The following AOAH variants were observed in gnomAD, a reference collection of about 807,000 sequenced individuals.
AOAH encodes the protein acyloxyacyl hydrolase (neutrophil).
AOAH carries 64 observed loss-of-function variants against 92.2 expected under a neutral mutation model. That is an observed-to-expected ratio of 0.69 (90% CI 0.57 to 0.86). The LOEUF (loss-of-function observed/expected upper bound fraction) is 0.86, where lower values mean the gene tolerates loss of function less well. AOAH is among the 40% of genes least tolerant of loss of function. AOAH has a pLI of 0.00. For missense variants in AOAH, 656 were observed against 694.6 expected, an observed-to-expected ratio of 0.94 and a Z score of 0.62; for synonymous variants, 263 against 254.5, an observed-to-expected ratio of 1.03 and a Z score of -0.32.
intron 1 of AOAH, among the ~76,000 whole-genome samples, chr7:36,695,368 A>G (rs1446595828): frequency 1.3e-5 from 2 of 152,216 alleles, no homozygotes; most frequent in African/African-American, 4.8e-5. Flanking sequence ...GCTGCCTTCT[A>G]CCTTAATACT....
chr7:36,574,761 CAG>C lies in AOAH; in HGVS notation c.1021+1811_1021+1812del, dbSNP rs1181000243. 3.9e-5 allele frequency among the ~76,000 whole-genome samples: 6 copies of C among 152,184 alleles called. No individual in the cohort carries two copies. The East Asian group carries it at 1.2e-3, about 29-fold the overall frequency. ...GTATACAAATAAAATCATCAGGAAA[CAG>C]AAAAGCGGAAAAAAATGAAAGCGAT... is the stretch of plus-strand genomic sequence containing the variant. On this transcript the variant is annotated intron_variant, in intron 13 of 20. Transcript: ENST00000617537.
At chr7:36,575,801 T>C (rs1788455409) in intron 13 of AOAH, among the ~76,000 whole-genome samples, 1 of 152,210 alleles carries the variant, frequency 6.6e-6, no homozygotes, top group Non-Finnish European at 1.5e-5. Context: ...TTCCTCAACA[T>C]CTTTTGTTAA....
chr7:36,517,148 C>T (rs1190137405), intron 20 of AOAH, among the ~76,000 whole-genome samples: 1 of 110,062 alleles, frequency 9.1e-6, no homozygotes, highest in East Asian at 2.9e-4. Context: ...CTCTCTTTAT[C>T]CATGTTAGTC....
chr7:36,543,947 C>CTTTTTTTTTT (rs1219471100), intron 15 of AOAH, among the ~76,000 whole-genome samples: 1 of 91,010 alleles, frequency 1.1e-5, no homozygotes, highest in Non-Finnish European at 2.0e-5. Flanking sequence ...TTCTTTCTTT[C>CTTTTTTTTTT]TTTTTTTTTT....
chr7:36,583,474 C>T (rs1472359842), intron 12 of AOAH, among the ~76,000 whole-genome samples: 1 of 152,000 alleles, frequency 6.6e-6, no homozygotes, highest in African/African-American at 2.4e-5. Context: ...TCTGTGTAAC[C>T]CCTAACTCAC....
rs141611362 is a variant in AOAH, at chr7:36,707,261, G to A, written c.127+16761C>T. On this transcript the variant is annotated intron_variant, in intron 1 of 20. Coordinates refer to ENST00000617537, the MANE Select transcript of AOAH (RefSeq NM_001637.4). ...GGGAATAGGGAGGGCAATGGAGAGG[G>A]GGAGAGATGGGGAAATAGCTAGTTG... is the stretch of plus-strand genomic sequence containing the variant. Among the ~76,000 whole-genome samples, 740 of 152,082 alleles carry A rather than the reference G, an allele frequency of 4.9e-3. 2 individuals carry two copies. Among genetic ancestry groups the A allele is most frequent in the Admixed American group, 9.0e-3 (137 of 15,242 alleles).
intron 13 of AOAH, among the ~76,000 whole-genome samples, chr7:36,565,894 C>T (rs970501993): frequency 2.0e-5 from 3 of 152,086 alleles, no homozygotes; most frequent in East Asian, 1.9e-4. Flanking sequence ...ATGAAATCCA[C>T]AATAACACTA....
intron 20 of AOAH, chr7:36,514,792 C>T (rs1290324292): frequency 5.7e-6 from 3 of 526,776 alleles, no homozygotes; most frequent in Non-Finnish European, 1.0e-5. Flanking sequence ...AGTCCCCTTC[C>T]TAATAGGCAG....
In AOAH at chr7:36,607,046, CT is replaced by C. The variant is rs1791056910; in HGVS notation, c.846+9333del. ...CTTTCCAGATGAATACACTCCTAAT[CT>C]AATTAGCTGTAAACAGGACTCCCGG... On this transcript the variant is annotated intron_variant, in intron 11 of 20. Transcript: ENST00000617537. Among the ~76,000 whole-genome samples the C allele has an allele frequency of 4.6e-5, 7 of 152,170 alleles. No individual in the cohort carries two copies. In the South Asian group the frequency reaches 1.5e-3, roughly 32 times the overall value.
rs1790153291 is a variant in AOAH at position 36,596,741 on chromosome 7, C to T, written c.847-2311G>A. The stretch of plus-strand genomic sequence containing the variant: ...CTGCTGACATCTTGATCTCAGACTT[C>T]CAGCCTCCAGAATTCTGGGGCAATC... On this transcript the variant is annotated intron_variant, in intron 11 of 20. Coordinates refer to ENST00000617537, the MANE Select transcript of AOAH (RefSeq NM_001637.4). Among the ~76,000 whole-genome samples the T allele has an allele frequency of 2.6e-5, 4 of 152,142 alleles. No homozygotes were observed. In the South Asian group the frequency reaches 8.3e-4, roughly 32 times the overall value.
At chr7:36,703,363 A>G (rs1798152103) in intron 1 of AOAH, among the ~76,000 whole-genome samples, 1 of 152,150 alleles carries the variant, frequency 6.6e-6, no homozygotes, top group Admixed American at 6.6e-5. Context: ...ATAAGTGCCT[A>G]TGGCAGCTAT....
intron 6 of AOAH, among the ~76,000 whole-genome samples, chr7:36,624,907 C>T (rs573605902): frequency 2.0e-5 from 3 of 152,318 alleles, no homozygotes; most frequent in South Asian, 2.1e-4. Context: ...TCCTCATAAC[C>T]GGGGGGCCTT....
intron 1 of AOAH, among the ~76,000 whole-genome samples, chr7:36,709,943 T>A (rs1798656312): frequency 6.6e-6 from 1 of 152,218 alleles, no homozygotes; most frequent in Non-Finnish European, 1.5e-5. Flanking sequence ...TTCTATTATG[T>A]ATTCATGTCT....
intron 4 of AOAH, among the ~76,000 whole-genome samples, chr7:36,642,821 C>T (rs925169660): frequency 2.0e-5 from 3 of 152,200 alleles, no homozygotes; most frequent in Non-Finnish European, 2.9e-5. Context: ...ATATTGGTCT[C>T]TATTGCTATT....
chr7:36,518,679 C>T (rs1783953335), intron 20 of AOAH, among the ~76,000 whole-genome samples: 1 of 152,226 alleles, frequency 6.6e-6, no homozygotes, highest in African/African-American at 2.4e-5. Flanking sequence ...CAGGTATTTT[C>T]CTTTGTAGTT....
rs1363926040 is a variant in AOAH, at chr7:36,623,250, T to C, written c.522A>G (p.Leu174=). Residue 174 remains leucine (L), a splice_region_variant and synonymous_variant, in exon 7 of 21, where the codon TTA becomes TTG. Coordinates refer to ENST00000617537, the MANE Select transcript of AOAH (RefSeq NM_001637.4). ...TGAATGGCACAGACTGTTCCATAGC[T>C]CTAGGAAAAAGAAAACAAAACAATC... ...VLAKICQKIK[L]AMEQSVPFKD... 1.7e-5 allele frequency: 28 copies of C among 1,613,124 alleles called. No individual in the cohort carries two copies. Among genetic ancestry groups the C allele is most frequent in the Non-Finnish European group, 2.2e-5 (26 of 1,179,704 alleles).
At chr7:36,710,847 C>A (rs565374584) in intron 1 of AOAH, among the ~76,000 whole-genome samples, 5 of 152,062 alleles carry the variant, frequency 3.3e-5, no homozygotes, top group Non-Finnish European at 7.4e-5. Flanking sequence ...TTCTTGATTT[C>A]CAAAAGAATA....
chr7:36,708,078 C>T (rs10262350), intron 1 of AOAH, among the ~76,000 whole-genome samples: 88,790 of 151,778 alleles, frequency 0.58, 26,369 homozygotes, highest in East Asian at 0.83. Flanking sequence ...CAGGTGTGAG[C>T]CACTGCACCT....
chr7:36,574,092 G>T (rs1322027686), intron 13 of AOAH, among the ~76,000 whole-genome samples: 1 of 152,146 alleles, frequency 6.6e-6, no homozygotes, highest in Non-Finnish European at 1.5e-5. Flanking sequence ...AGGAAGAGGG[G>T]CTGGAGAGTA....
Sources: gnomAD v4.1 joint callset for allele counts (sites outside exome capture counted in the v4.1 genomes callset) on GRCh38, gnomAD v4.1.1 for gene constraint, MANE v1.5 for transcripts, NCBI Gene and HGNC (gene_info 2026-07-23, HGNC 2026-07-21) for gene names.